Variants in CA5A observed in about 807,000 individuals in gnomAD.
CA5A encodes carbonic anhydrase 5A, mitochondrial.
In CA5A, 28 loss-of-function variants were observed where a neutral mutation model predicts 37.1. That is an observed-to-expected ratio of 0.75 (90% CI 0.56 to 1.03). The LOEUF (loss-of-function observed/expected upper bound fraction) is 1.03, where lower values mean the gene tolerates loss of function less well. Ranked by LOEUF, CA5A falls within the 50% of genes least tolerant of loss-of-function variation. CA5A has a pLI of 0.00. For synonymous variants in CA5A, 171 were observed against 158.4 expected (o/e 1.08, Z -0.60); for missense variants, 444 against 399.9 (o/e 1.11, Z -0.94).
downstream of CA5A, chr16:87,884,074 T>G (rs2055629539): frequency 6.6e-6 from 1 of 151,948 alleles, no homozygotes; most frequent in African/African-American, 2.4e-5. Context: ...TTAGGTTTAT[T>G]GTAAAACTTT....
At chr16:87,923,750 C>T (rs115862824) in intron 2 of CA5A, 12 of 984,950 alleles carry the variant, frequency 1.2e-5, no homozygotes, top group African/African-American at 7.0e-5. Context: ...TTAGAGGAAA[C>T]AAATCAGTTA....
intron 1 of CA5A, among the ~76,000 whole-genome samples, chr16:87,934,908 C>T (rs1315677722): frequency 2.6e-5 from 4 of 151,704 alleles, no homozygotes; most frequent in Admixed American, 6.6e-5. Context: ...TGCAGTGAGC[C>T]GAGATCGCAC....
chr16:87,892,553 A>G (rs1291650886), intron 5 of CA5A, among the ~76,000 whole-genome samples: 2 of 135,494 alleles, frequency 1.5e-5, no homozygotes, highest in Non-Finnish European at 3.3e-5. Flanking sequence ...TAATAATAAT[A>G]ATAAATTAAT....
At chr16:87,889,202 T>C (rs1458861653) in intron 6 of CA5A, among the ~76,000 whole-genome samples, 1 of 151,982 alleles carries the variant, frequency 6.6e-6, no homozygotes, top group Non-Finnish European at 1.5e-5. Context: ...TATAGGCGTT[T>C]AGCCACTGTG....
At chr16:87,899,792 C>T (rs554407798) in intron 5 of CA5A, among the ~76,000 whole-genome samples, 182 of 150,836 alleles carry the variant, frequency 1.2e-3, no homozygotes, top group African/African-American at 4.1e-3. Flanking sequence ...TGGTGGTGGG[C>T]GCCGGTACTT....
At chr16:87,915,911 G>C (rs12931011) in intron 2 of CA5A, among the ~76,000 whole-genome samples, 1 of 151,956 alleles carries the variant, frequency 6.6e-6, no homozygotes. Flanking sequence ...CCATACCCGA[G>C]ACTGGGTAAT....
chr16:87,913,934 A>G (rs7194675), intron 2 of CA5A, among the ~76,000 whole-genome samples: 19,223 of 152,208 alleles, frequency 0.13, 1,484 homozygotes, highest in South Asian at 0.23. Context: ...GAGGAAGCGT[A>G]AGTGATGTTC....
intron 5 of CA5A, among the ~76,000 whole-genome samples, chr16:87,896,148 CAG>C (rs2055799080): frequency 6.6e-6 from 1 of 152,256 alleles, no homozygotes; most frequent in Admixed American, 6.5e-5. Flanking sequence ...GATAGACAGA[CAG>C]ATATAAAAAA....
chr16:87,916,833 T>C (rs2056151046), intron 2 of CA5A, among the ~76,000 whole-genome samples: 1 of 152,034 alleles, frequency 6.6e-6, no homozygotes, highest in South Asian at 2.1e-4. Context: ...CTGGGCATGG[T>C]GGCTCACGCC....
chr16:87,914,327 ATTTCTATTAAGTGCAGCT>A (rs1414780312), intron 2 of CA5A, among the ~76,000 whole-genome samples: 1 of 152,082 alleles, frequency 6.6e-6, no homozygotes, highest in Non-Finnish European at 1.5e-5. Flanking sequence ...ATCCACAGTG[ATTTCTATTAAGTGCAGCT>A]TTTCGTCAGG....
rs748855271 is a variant in CA5A, at chr16:87,926,963, G to T, written c.143-18C>A. 3 of 1,505,394 alleles carry T rather than the reference G, an allele frequency of 2.0e-6. No homozygotes were observed. Among genetic ancestry groups the T allele is most frequent in the Non-Finnish European group, 2.7e-6 (3 of 1,103,756 alleles). The allele number at this position is 1,505,394 out of a possible 1,614,324, so 93.3% of individuals were successfully genotyped here. On this transcript the variant is annotated intron_variant, in intron 1 of 6. Transcript: ENST00000649794. ...TGGGTGCACTGCAGGGAGAGAGACG[G>T]AGACCCTGAGTGAGGCATGAGCTTC...
chr16:87,886,963 C>T (rs2055653401), downstream of CA5A: 1 of 152,168 alleles, frequency 6.6e-6, no homozygotes, highest in African/African-American at 2.4e-5. Context: ...AGTGCAGTGG[C>T]ATGATCTCGG....
At position 87,892,233 on chromosome 16, in the gene CA5A, G is replaced by A. The variant is rs2055727994; in HGVS notation, c.619-279C>T. 4.5e-5 allele frequency: 13 copies of A among 291,304 alleles called. No individual in the cohort carries two copies. The East Asian group carries it at 8.3e-4, about 18-fold the overall frequency. 18.0% of individuals were successfully genotyped at this position (291,304 alleles called of 1,614,324 possible). ...TTTTCCTTTTGAAGTCATTTCTTGG[G>A]GCGCAGTAGCTCACCCCTGTAATCT... On this transcript the variant is annotated intron_variant, in intron 5 of 6. Coordinates refer to ENST00000649794, the MANE Select transcript of CA5A (RefSeq NM_001739.2).
At chr16:87,901,420 G>A (rs959188464) in intron 5 of CA5A, among the ~76,000 whole-genome samples, 1 of 152,152 alleles carries the variant, frequency 6.6e-6, no homozygotes, top group Non-Finnish European at 1.5e-5. Context: ...AAGTCAGAGA[G>A]ACCTAGCTGT....
At chr16:87,935,461 G>C (rs2056458405) in intron 1 of CA5A, among the ~76,000 whole-genome samples, 1 of 152,216 alleles carries the variant, frequency 6.6e-6, no homozygotes, top group African/African-American at 2.4e-5. Context: ...GGTCTGGATG[G>C]TGAGTCGTGC....
chr16:87,906,440 C>T (rs571376799), intron 2 of CA5A, among the ~76,000 whole-genome samples: 1 of 152,162 alleles, frequency 6.6e-6, no homozygotes, highest in South Asian at 2.1e-4. Context: ...CCAGCCTGGC[C>T]AACGTGGTGT....
chr16:87,906,394 G>A lies in CA5A; in HGVS notation c.341-1490C>T, dbSNP rs573434857. Among the ~76,000 whole-genome samples the A allele has an allele frequency of 2.7e-3, 407 of 152,296 alleles. 5 individuals carry two copies. Among genetic ancestry groups the A allele is most frequent in the Admixed American group, 6.6e-3 (101 of 15,308 alleles). ...TGTACTCCTAGCGCTTTGGGAGGCC[G>A]AGGCGGGCGGATCACTTGAGGTCAG... On this transcript the variant is annotated intron_variant, in intron 2 of 6. Transcript: ENST00000649794.
chr16:87,883,885 G>C (rs186293863), downstream of CA5A: 63 of 140,024 alleles, frequency 4.5e-4, no homozygotes, highest in African/African-American at 1.5e-3. Flanking sequence ...CAGGTGATCT[G>C]CCCACCTCAG....
rs1385770891 is a variant in CA5A, at chr16:87,924,250, C to T, written c.340+2498G>A. ...CTGCTGGCACTCAGCAAGCCCCACA[C>T]GGGAAGCATCCGCGGGGGTTGCAGT... On this transcript the variant is annotated intron_variant, in intron 2 of 6. Transcript: ENST00000649794. The T allele has an allele frequency of 1.6e-5, 16 of 985,446 alleles. No homozygotes were observed. In the South Asian group the frequency reaches 2.3e-4, roughly 14 times the overall value. 61.0% of individuals were successfully genotyped at this position (985,446 alleles called of 1,614,324 possible).
Sources: gnomAD v4.1 joint callset for allele counts (sites outside exome capture counted in the v4.1 genomes callset) on GRCh38, gnomAD v4.1.1 for gene constraint, MANE v1.5 for transcripts, NCBI Gene and HGNC (gene_info 2026-07-23, HGNC 2026-07-21) for gene names.